Variants in KIAA0319 observed in about 807,000 individuals in gnomAD.
The protein encoded by KIAA0319 is dyslexia-associated protein KIAA0319.
Under a neutral mutation model 108.4 loss-of-function variants are expected in KIAA0319, and 83 were observed. The ratio of observed to expected loss-of-function variants is 0.77; its 90% CI spans 0.64 to 0.92. KIAA0319 has a LOEUF of 0.92. KIAA0319 is among the 40% of genes least tolerant of loss of function. The pLI, the probability that KIAA0319 is intolerant of heterozygous loss-of-function variation, is 0.00. For synonymous variants in KIAA0319, 484 were observed against 510.4 expected (o/e 0.95, Z 0.70); for missense variants, 1,195 against 1,322.4 (o/e 0.90, Z 1.49).
At chr6:24,628,962 G>A (rs537551291) in intron 1 of KIAA0319, among the ~76,000 whole-genome samples, 56 of 152,216 alleles carry the variant, frequency 3.7e-4, no homozygotes, top group African/African-American at 1.3e-3. Flanking sequence ...ACAGGTATTG[G>A]GGGTTAGGAC....
intron 1 of KIAA0319, among the ~76,000 whole-genome samples, chr6:24,639,077 C>T (rs1227698758): frequency 6.6e-6 from 1 of 152,030 alleles, no homozygotes; most frequent in Non-Finnish European, 1.5e-5. Flanking sequence ...TCAATTATAC[C>T]TTCGTAAAGC....
chr6:24,563,517 G>A lies in KIAA0319; in HGVS notation c.2433C>T (p.Asp811=), dbSNP rs781629466. The change falls in exon 16 of 21, where the codon GAC becomes GAT. Residue 811 remains aspartate, a splice_region_variant and synonymous_variant. Transcript: ENST00000378214. ...GCTCCACCAGGCCACTCTTCCTAGGGTCTGGGGAAAGAGAAGATACAGGAT... is the reference window on the plus strand; with the variant it reads ...GCTCCACCAGGCCACTCTTCCTAGGATCTGGGGAAAGAGAAGATACAGGAT... ...TDTATVEVQP[D]PRKSGLVELT... is the part of the protein sequence containing the mutation. 9.3e-6 allele frequency: 15 copies of A among 1,606,208 alleles called. No individual in the cohort carries two copies. Among genetic ancestry groups the A allele is most frequent in the Non-Finnish European group, 1.3e-5 (15 of 1,177,586 alleles).
In KIAA0319 at chr6:24,596,293, C is replaced by T. The variant is rs1353390578; in HGVS notation, c.381G>A (p.Ser127=). Residue 127 remains serine (S), a synonymous_variant, in exon 3 of 21, where the codon TCG becomes TCA. Coordinates refer to ENST00000378214, the MANE Select transcript of KIAA0319 (RefSeq NM_014809.4). ...CCTCAGGTGAGTCCCCCCAGATCCC[C>T]GAGGGGGAGCCCCTGTTCAGCATCA... The part of the protein sequence containing the change: ...GDMMLNRGSP[S]GIWGDSPEDI... 5.6e-6 allele frequency: 9 copies of T among 1,614,164 alleles called. No individual in the cohort carries two copies. The highest frequency in any genetic ancestry group is 3.3e-5 in the South Asian group (3 of 91,088).
At chr6:24,593,985 G>T (rs1289807173) in intron 3 of KIAA0319, among the ~76,000 whole-genome samples, 1 of 150,852 alleles carries the variant, frequency 6.6e-6, no homozygotes, top group Non-Finnish European at 1.5e-5. Flanking sequence ...TGGATCATGA[G>T]GTCAGGAATT....
chr6:24,644,967 G>C (rs2328846), intron 1 of KIAA0319, among the ~76,000 whole-genome samples: 106,893 of 152,040 alleles, frequency 0.7, 38,136 homozygotes, highest in East Asian at 0.87. Context: ...TAAAAGTTTA[G>C]ATTTGGCATA....
In KIAA0319 at chr6:24,566,110, C is replaced by T. The variant is rs185374869; in HGVS notation, c.2292+487G>A. 2.0e-4 allele frequency among the ~76,000 whole-genome samples: 31 copies of T among 152,320 alleles called. No individual in the cohort carries two copies. The East Asian group carries it at 6.0e-3, about 29-fold the overall frequency. On this transcript the variant is annotated intron_variant, in intron 14 of 20. Coordinates refer to ENST00000378214, the MANE Select transcript of KIAA0319 (RefSeq NM_014809.4). The stretch of plus-strand genomic sequence containing the variant: ...CATTCTAATGTAGAAGCATAAGCAC[C>T]TTACAGGGAACAGGGAAAGAGAGAT...
At chr6:24,600,792 TATAAAC>T (rs1770512049) in intron 2 of KIAA0319, 1 of 786,976 alleles carries the variant, frequency 1.3e-6, no homozygotes, top group Admixed American at 2.9e-5. Flanking sequence ...CTTTTCAATA[TATAAAC>T]ATAAAGTTTT....
rs185381619 is a variant in KIAA0319 at position 24,583,818 on chromosome 6, T to A, written c.995-116A>T. 2.9e-3 allele frequency: 1,968 copies of A among 683,624 alleles called. 15 individuals carry two copies. Among genetic ancestry groups the A allele is most frequent in the Middle Eastern group, 0.022 (53 of 2,378 alleles). The allele number at this position is 683,624 out of a possible 1,614,324, so 42.3% of individuals were successfully genotyped here. Reference sequence around the variant, plus strand: ...ATTAAAATAACATATGCTTTTGTAATAGTTCTTCATAAGATTTTAGCTAAG... The same window carrying A: ...ATTAAAATAACATATGCTTTTGTAAAAGTTCTTCATAAGATTTTAGCTAAG... On this transcript the variant is annotated intron_variant, in intron 4 of 20. Transcript: ENST00000378214.
chr6:24,540,612 C>G (rs1348128145), downstream of KIAA0319, among the ~76,000 whole-genome samples: 2 of 150,548 alleles, frequency 1.3e-5, no homozygotes, highest in Non-Finnish European at 2.9e-5. Flanking sequence ...AAGAGAGGCT[C>G]TAGGGACCAA....
At chr6:24,635,737 T>C (rs536537448) in intron 1 of KIAA0319, among the ~76,000 whole-genome samples, 13 of 152,226 alleles carry the variant, frequency 8.5e-5, no homozygotes, top group South Asian at 2.1e-4. Context: ...ACAACCAAAA[T>C]GAGCTTGGAC....
chr6:24,588,892 T>A, intron 3 of KIAA0319, 107 bp from the exon 4 acceptor site: 1 of 901,928 alleles, frequency 1.1e-6, no homozygotes, highest in Non-Finnish European at 1.7e-6. Context: ...TTGGTAATGT[T>A]TGAAAAACCA....
At chr6:24,577,712 C>G (rs1330581323) in intron 9 of KIAA0319, among the ~76,000 whole-genome samples, 36 of 152,216 alleles carry the variant, frequency 2.4e-4, no homozygotes, top group Admixed American at 2.4e-3. Flanking sequence ...CAAGATCCAA[C>G]TTCTACTTCT....
At chr6:24,597,161 C>T (rs1468359844) in intron 2 of KIAA0319, among the ~76,000 whole-genome samples, 1 of 152,208 alleles carries the variant, frequency 6.6e-6, no homozygotes, top group African/African-American at 2.4e-5. Context: ...CATTCTTCTA[C>T]ATTGTATTTA....
chr6:24,559,223 C>T (rs1349759738), intron 16 of KIAA0319, 68 bp from the exon 17 acceptor site: 2 of 1,552,614 alleles, frequency 1.3e-6, no homozygotes, highest in African/African-American at 2.7e-5. Context: ...ACGCCCACCA[C>T]AGCATCTGAC....
intron 1 of KIAA0319, among the ~76,000 whole-genome samples, chr6:24,611,060 A>G (rs897874296): frequency 6.6e-6 from 1 of 152,212 alleles, no homozygotes; most frequent in Non-Finnish European, 1.5e-5. Context: ...GATTCCATTT[A>G]TATGAAATAT....
In KIAA0319 at chr6:24,544,251, C is replaced by T. The variant is rs1186157242; in HGVS notation, c.*2914G>A. 2 of 152,128 alleles carry T rather than the reference C, an allele frequency of 1.3e-5. No homozygotes were observed. The highest frequency in any genetic ancestry group is 2.9e-5 in the Non-Finnish European group (2 of 68,028). 9.4% of individuals were successfully genotyped at this position (152,128 alleles called of 1,614,324 possible). A position where few individuals can be genotyped will look rare whatever the true frequency, so the allele number is the denominator to read the frequency against. ...GGGGCGTGCACACACAGGCTGTAGG[C>T]CACAGTTTGCTGACCTATACTCAAG... On this transcript the variant is annotated 3_prime_UTR_variant, in exon 21 of 21. Transcript: ENST00000378214.
chr6:24,630,870 T>C (rs2127586717), intron 1 of KIAA0319, among the ~76,000 whole-genome samples: 1 of 152,350 alleles, frequency 6.6e-6, no homozygotes, highest in East Asian at 1.9e-4. Flanking sequence ...GTTTCCAACT[T>C]GGGATGTTTA....
intron 15 of KIAA0319, 25 bp downstream of exon 15, chr6:24,564,177 C>T (rs375502132): frequency 6.2e-7 from 1 of 1,613,612 alleles, no homozygotes; most frequent in Non-Finnish European, 8.5e-7. Context: ...GCCTGCATGG[C>T]CAGCTCCAGA....
chr6:24,558,967 T>C (rs370408565), intron 17 of KIAA0319, 46 bp downstream of exon 17: 60 of 1,549,678 alleles, frequency 3.9e-5, no homozygotes, highest in Non-Finnish European at 3.4e-5. Context: ...AACTTATCCA[T>C]GATTGGCAAG....
Sources: allele counts gnomAD v4.1 joint callset (sites outside exome capture counted in the v4.1 genomes callset), GRCh38; gene constraint gnomAD v4.1.1; transcripts MANE v1.5; gene names NCBI Gene and HGNC (gene_info 2026-07-23, HGNC 2026-07-21).